The following SKAP2 variants were observed in gnomAD, a reference collection of about 807,000 sequenced individuals.
SKAP2 encodes the protein src kinase associated phosphoprotein 2.
SKAP2 carries 28 observed loss-of-function variants against 54.9 expected under a neutral mutation model. That is an observed-to-expected ratio of 0.51 (90% CI 0.38 to 0.70). SKAP2 has a LOEUF of 0.70. Among genes scored for constraint, SKAP2 ranks in the 30% least tolerant of loss-of-function variants. SKAP2 has a pLI of 0.00. For synonymous variants in SKAP2, 137 were observed against 134.3 expected (o/e 1.02, Z -0.14); for missense variants, 356 against 424.1 (o/e 0.84, Z 1.41).
At chr7:26,794,191 C>T (rs887559563) in intron 4 of SKAP2, among the ~76,000 whole-genome samples, 1 of 152,048 alleles carries the variant, frequency 6.6e-6, no homozygotes, top group Non-Finnish European at 1.5e-5. Flanking sequence ...TTCGAATTTT[C>T]ATTTATAAAA....
intron 4 of SKAP2, among the ~76,000 whole-genome samples, chr7:26,741,568 AAATAAATAAATT>A (rs147381420): frequency 0.6 from 69,441 of 116,458 alleles, 17,305 homozygotes; most frequent in East Asian, 0.85. Context: ...ATAAATAAAT[AAATAAATAAATT>A]AATAAAATGA....
intron 4 of SKAP2, among the ~76,000 whole-genome samples, chr7:26,833,190 C>G (rs1005055489): frequency 2.0e-5 from 3 of 151,866 alleles, no homozygotes; most frequent in Non-Finnish European, 4.4e-5. Flanking sequence ...GTCAGGGGAT[C>G]GAGACCATCC....
At chr7:26,693,992 C>A (rs901693592) in intron 9 of SKAP2, among the ~76,000 whole-genome samples, 1 of 151,982 alleles carries the variant, frequency 6.6e-6, no homozygotes, top group Non-Finnish European at 1.5e-5. Flanking sequence ...ACAAATAAAT[C>A]TTAACATATT....
rs1218177732 is a variant in SKAP2, at chr7:26,780,554, T to G, written c.308-40590A>C. On this transcript the variant is annotated intron_variant, in intron 4 of 12. Coordinates refer to ENST00000345317, the MANE Select transcript of SKAP2 (RefSeq NM_003930.5). ...TTGTGTCCCAATAAAACTTAACTTA[T>G]GGGCACTGAAATTTGAATTTCATAT... Among the ~76,000 whole-genome samples, 7 of 152,252 alleles carry G rather than the reference T, an allele frequency of 4.6e-5. No individual in the cohort carries two copies. The East Asian group carries it at 1.3e-3, about 29-fold the overall frequency.
At position 26,780,353 on chromosome 7, in the gene SKAP2, T is replaced by G. The variant is rs1432716265; in HGVS notation, c.308-40389A>C. Among the ~76,000 whole-genome samples the G allele has an allele frequency of 5.9e-5, 9 of 152,250 alleles. No individual in the cohort carries two copies. In the East Asian group the frequency reaches 1.7e-3, roughly 29 times the overall value. On this transcript the variant is annotated intron_variant, in intron 4 of 12. Coordinates refer to ENST00000345317, the MANE Select transcript of SKAP2 (RefSeq NM_003930.5). ...TTCTGTCATCTGTCTCTCAGAAGCATTCATTTGGTTTTGAATGACCTAAAT... is the reference window on the plus strand; with the variant it reads ...TTCTGTCATCTGTCTCTCAGAAGCAGTCATTTGGTTTTGAATGACCTAAAT...
At chr7:26,797,944 T>C (rs541129401) in intron 4 of SKAP2, among the ~76,000 whole-genome samples, 24 of 151,470 alleles carry the variant, frequency 1.6e-4, no homozygotes, top group African/African-American at 5.8e-4. Context: ...ACAGCAGAAT[T>C]GATCAAGCAG....
intron 10 of SKAP2, among the ~76,000 whole-genome samples, chr7:26,689,034 C>G (rs1049460990): frequency 1.3e-5 from 2 of 152,276 alleles, no homozygotes; most frequent in East Asian, 3.9e-4. Context: ...TTCTCGCTTC[C>G]TTTCTGAAAA....
chr7:26,811,885 T>C (rs957033128), intron 4 of SKAP2, among the ~76,000 whole-genome samples: 1 of 152,206 alleles, frequency 6.6e-6, no homozygotes, highest in Non-Finnish European at 1.5e-5. Flanking sequence ...ACATTTTCCT[T>C]ATTACATCAA....
chr7:26,765,858 T>A (rs1453458950), intron 4 of SKAP2, among the ~76,000 whole-genome samples: 1 of 152,212 alleles, frequency 6.6e-6, no homozygotes, highest in Non-Finnish European at 1.5e-5. Flanking sequence ...ACCATGCTGT[T>A]TGGGTTACCA....
chr7:26,741,375 G>A (rs1476808275), intron 4 of SKAP2, among the ~76,000 whole-genome samples: 3 of 149,888 alleles, frequency 2.0e-5, no homozygotes, highest in Non-Finnish European at 4.5e-5. Flanking sequence ...AAAATAACTG[G>A]GTGTAGTGGT....
chr7:26,815,382 T>A (rs745603870), intron 4 of SKAP2, among the ~76,000 whole-genome samples: 22 of 152,268 alleles, frequency 1.4e-4, no homozygotes, highest in Admixed American at 2.6e-4. Flanking sequence ...ATATAGGATT[T>A]GTTTAGGTGC....
intron 9 of SKAP2, among the ~76,000 whole-genome samples, chr7:26,695,296 T>C (rs1786871443): frequency 6.6e-6 from 1 of 152,220 alleles, no homozygotes; most frequent in Non-Finnish European, 1.5e-5. Context: ...CATTATTTAA[T>C]ATTATATATT....
At chr7:26,862,820 A>G (rs866113384) in intron 1 of SKAP2, among the ~76,000 whole-genome samples, 3 of 152,140 alleles carry the variant, frequency 2.0e-5, no homozygotes, top group Non-Finnish European at 4.4e-5. Flanking sequence ...CCAGAGGTCT[A>G]TATGTTATTT....
chr7:26,720,903 G>A (rs952041953), intron 9 of SKAP2, among the ~76,000 whole-genome samples: 1 of 152,096 alleles, frequency 6.6e-6, no homozygotes, highest in African/African-American at 2.4e-5. Context: ...AAATTTGGGT[G>A]GGGACACAGC....
At chr7:26,864,240 T>G in intron 1 of SKAP2, 123 bp downstream of exon 1, 1 of 1,179,270 alleles carries the variant, frequency 8.5e-7, no homozygotes, top group South Asian at 1.3e-5. Flanking sequence ...CCGACCCCAC[T>G]GGCTAGAAGA....
intron 6 of SKAP2, among the ~76,000 whole-genome samples, chr7:26,731,024 T>C (rs1787814332): frequency 1.3e-5 from 2 of 152,156 alleles, no homozygotes; most frequent in African/African-American, 2.4e-5. Flanking sequence ...TTTAACCAAT[T>C]TGCTCACGGT....
chr7:26,756,522 G>T (rs1782796891), intron 4 of SKAP2, among the ~76,000 whole-genome samples: 1 of 152,082 alleles, frequency 6.6e-6, no homozygotes, highest in Non-Finnish European at 1.5e-5. Context: ...CTTTTTTATG[G>T]CTGCATAGTA....
chr7:26,744,310 C>A (rs1247296059), intron 4 of SKAP2, among the ~76,000 whole-genome samples: 1 of 152,018 alleles, frequency 6.6e-6, no homozygotes, highest in Non-Finnish European at 1.5e-5. Flanking sequence ...AATATGAAGT[C>A]TGTGGTAGGA....
At chr7:26,774,448 CTTT>C (rs1783258247) in intron 4 of SKAP2, among the ~76,000 whole-genome samples, 1 of 151,998 alleles carries the variant, frequency 6.6e-6, no homozygotes, top group Non-Finnish European at 1.5e-5. Context: ...ATCCCCGCTT[CTTT>C]ACCTTACTGA....
Sources: allele counts gnomAD v4.1 joint callset (sites outside exome capture counted in the v4.1 genomes callset), GRCh38; gene constraint gnomAD v4.1.1; transcripts MANE v1.5; gene names NCBI Gene and HGNC (gene_info 2026-07-23, HGNC 2026-07-21).